The following UXS1 variants were observed in gnomAD, a reference collection of about 807,000 sequenced individuals.
The protein encoded by UXS1 is UDP-glucuronic acid decarboxylase 1.
UXS1 carries 33 observed loss-of-function variants against 62.6 expected under a neutral mutation model. That is an observed-to-expected ratio of 0.53 (90% CI 0.40 to 0.70). The LOEUF is 0.70. UXS1 is among the 30% of genes least tolerant of loss of function. The pLI is 0.00. For missense variants in UXS1, 434 were observed against 556.3 expected, an observed-to-expected ratio of 0.78 and a Z score of 2.21; for synonymous variants, 213 against 206.8, an observed-to-expected ratio of 1.03 and a Z score of -0.26.
In UXS1 at chr2:106,164,923, C is replaced by T. The variant is rs1683120316; in HGVS notation, c.123-124G>A. ...CCTGCTCAAGTATCAGTCATGTGTACAATTCCCTCCAGAAGGGATGCACCA... is the reference window on the plus strand; with the variant it reads ...CCTGCTCAAGTATCAGTCATGTGTATAATTCCCTCCAGAAGGGATGCACCA... On this transcript the variant is annotated intron_variant, in intron 2 of 14. Coordinates refer to ENST00000283148, the MANE Select transcript of UXS1 (RefSeq NM_001253875.2). 1.2e-5 allele frequency: 8 copies of T among 659,222 alleles called. 1 individual carries two copies. The South Asian group carries it at 1.6e-4, about 14-fold the overall frequency. The allele number at this position is 659,222 out of a possible 1,614,324, so 40.8% of individuals were successfully genotyped here. A position where few individuals can be genotyped will look rare whatever the true frequency, so the allele number is the denominator to read the frequency against.
intron 9 of UXS1, among the ~76,000 whole-genome samples, chr2:106,120,939 G>T (rs537932569): frequency 1.0e-3 from 159 of 152,296 alleles, no homozygotes; most frequent in African/African-American, 3.5e-3. Context: ...CCACACGGGG[G>T]GCTTCTAACA....
At chr2:106,193,465 G>A (rs192036635) in intron 1 of UXS1, among the ~76,000 whole-genome samples, 2 of 152,164 alleles carry the variant, frequency 1.3e-5, no homozygotes, top group East Asian at 1.9e-4. Flanking sequence ...AGCATGCTGT[G>A]AGCGATGACA....
At chr2:106,165,939 C>A in intron 2 of UXS1, 117 bp downstream of exon 2, 1 of 960,266 alleles carries the variant, frequency 1.0e-6, no homozygotes, top group South Asian at 2.1e-5. Context: ...TAGCAAGAAC[C>A]CACTTTTGTT....
At chr2:106,183,525 A>G (rs1028353085) in intron 1 of UXS1, 3 of 152,214 alleles carry the variant, frequency 2.0e-5, no homozygotes, top group Non-Finnish European at 2.9e-5. Context: ...AGCTTAACCA[A>G]AAAGAAACTG....
At chr2:106,143,407 T>TA (rs1681293011) in intron 6 of UXS1, among the ~76,000 whole-genome samples, 1 of 6,654 alleles carries the variant, frequency 1.5e-4, no homozygotes, top group African/African-American at 6.9e-4. Context: ...AGACTCCGTC[T>TA]CAAAAAAAAA....
intron 10 of UXS1, among the ~76,000 whole-genome samples, chr2:106,108,153 A>G (rs777636901): frequency 6.6e-6 from 1 of 152,214 alleles, no homozygotes; most frequent in Non-Finnish European, 1.5e-5. Flanking sequence ...TTTCTATAGC[A>G]TATCACATCC....
At chr2:106,112,963 G>GA (rs1315511991) in intron 9 of UXS1, among the ~76,000 whole-genome samples, 198 bp from the exon 10 acceptor site, 5 of 152,166 alleles carry the variant, frequency 3.3e-5, no homozygotes, top group African/African-American at 7.2e-5. Context: ...CTATACCAAA[G>GA]AGAGTCAAAG....
intron 5 of UXS1, among the ~76,000 whole-genome samples, chr2:106,147,143 A>C (rs1681645243): frequency 6.6e-6 from 1 of 151,304 alleles, no homozygotes; most frequent in African/African-American, 2.4e-5. Flanking sequence ...TCTGTCTCAT[A>C]AATAAATAAA....
chr2:106,157,592 C>T (rs1573532667), intron 5 of UXS1, among the ~76,000 whole-genome samples: 1 of 152,130 alleles, frequency 6.6e-6, no homozygotes, highest in Non-Finnish European at 1.5e-5. Flanking sequence ...GCATTATTCA[C>T]GATAGCCTCA....
At chr2:106,174,677 A>G (rs1488783319) in intron 1 of UXS1, among the ~76,000 whole-genome samples, 2 of 152,222 alleles carry the variant, frequency 1.3e-5, no homozygotes, top group Non-Finnish European at 1.5e-5. Flanking sequence ...TAACAGAACC[A>G]AGGCACGTGC....
At chr2:106,112,938 G>A (rs551068033) in intron 9 of UXS1, among the ~76,000 whole-genome samples, 173 bp from the exon 10 acceptor site, 1 of 152,192 alleles carries the variant, frequency 6.6e-6, no homozygotes, top group East Asian at 1.9e-4. Flanking sequence ...AGACCAATCG[G>A]GAGACTACAC....
chr2:106,139,694 G>A (rs1680945344), intron 6 of UXS1, among the ~76,000 whole-genome samples: 1 of 151,964 alleles, frequency 6.6e-6, no homozygotes, highest in Admixed American at 6.5e-5. Flanking sequence ...TTTTAATTTT[G>A]TCTTAAGTTA....
chr2:106,146,176 A>C (rs1480440031), intron 5 of UXS1, among the ~76,000 whole-genome samples: 1 of 152,198 alleles, frequency 6.6e-6, no homozygotes, highest in African/African-American at 2.4e-5. Context: ...CATCTGGGGG[A>C]AGGTTATAGG....
At chr2:106,101,895 G>A (rs1461631993) in intron 11 of UXS1, 1 of 152,188 alleles carries the variant, frequency 6.6e-6, no homozygotes, top group East Asian at 1.9e-4. Context: ...CTAAGCACAA[G>A]CACTTTTTCT....
chr2:106,143,587 G>C (rs1212891167), intron 6 of UXS1, among the ~76,000 whole-genome samples: 3 of 152,092 alleles, frequency 2.0e-5, no homozygotes, highest in African/African-American at 7.2e-5. Flanking sequence ...ACCGGGCACA[G>C]TATGGCTCAG....
At chr2:106,154,727 T>C (rs539014929) in intron 5 of UXS1, among the ~76,000 whole-genome samples, 3 of 152,312 alleles carry the variant, frequency 2.0e-5, no homozygotes, top group Admixed American at 6.5e-5. Flanking sequence ...GAAATTCATA[T>C]GGCAGAAAAA....
intron 9 of UXS1, among the ~76,000 whole-genome samples, chr2:106,113,012 A>G (rs1678745252): frequency 6.6e-6 from 1 of 152,242 alleles, no homozygotes; most frequent in Non-Finnish European, 1.5e-5. Flanking sequence ...ACCAGCATTA[A>G]TATTTTGGTA....
At chr2:106,141,489 C>T (rs984960713) in intron 6 of UXS1, among the ~76,000 whole-genome samples, 1 of 152,190 alleles carries the variant, frequency 6.6e-6, no homozygotes, top group African/African-American at 2.4e-5. Flanking sequence ...GAGACAGGGT[C>T]TTACTCTGTC....
At chr2:106,185,980 T>C (rs951343869) in intron 1 of UXS1, among the ~76,000 whole-genome samples, 1 of 152,102 alleles carries the variant, frequency 6.6e-6, no homozygotes, top group Admixed American at 6.5e-5. Context: ...GGCACCTAAT[T>C]TGGAGTAATT....
Sources: gnomAD v4.1 joint callset for allele counts (sites outside exome capture counted in the v4.1 genomes callset) on GRCh38, gnomAD v4.1.1 for gene constraint, MANE v1.5 for transcripts, NCBI Gene and HGNC (gene_info 2026-07-23, HGNC 2026-07-21) for gene names.